Variants in TRIM22 observed in about 807,000 individuals in gnomAD.
TRIM22 encodes the protein E3 ubiquitin-protein ligase TRIM22.
A neutral mutation model predicts 53.6 loss-of-function variants in TRIM22; 45 were observed. The observed-to-expected ratio is 0.84, with a 90% CI of 0.66 to 1.08. The LOEUF (loss-of-function observed/expected upper bound fraction) is 1.08, where lower values mean the gene tolerates loss of function less well. TRIM22 is among the 50% of genes least tolerant of loss of function. The pLI is 0.00. For missense variants in TRIM22, 616 were observed against 590.9 expected (o/e 1.04, Z -0.44); for synonymous variants, 225 against 216.6 (o/e 1.04, Z -0.34).
chr11:5,705,784 T>C (rs1193539084), intron 4 of TRIM22, among the ~76,000 whole-genome samples: 1 of 152,210 alleles, frequency 6.6e-6, no homozygotes, highest in Non-Finnish European at 1.5e-5. Context: ...TAAGTGGATA[T>C]TGACACTATT....
At position 5,699,570 on chromosome 11, in the gene TRIM22, G is replaced by T. The variant is rs551598788; in HGVS notation, c.750+1025G>T. On this transcript the variant is annotated intron_variant, in intron 4 of 7. Coordinates refer to ENST00000379965, the MANE Select transcript of TRIM22 (RefSeq NM_006074.5). Reference sequence around the variant, plus strand: ...AAAAAAAAAAAAAAAAAAAAAAAAAGAGTGTTGTATGTTGTTTATGTATAA... The same window carrying T: ...AAAAAAAAAAAAAAAAAAAAAAAAATAGTGTTGTATGTTGTTTATGTATAA... Among the ~76,000 whole-genome samples, 71 of 106,846 alleles carry T rather than the reference G, an allele frequency of 6.6e-4. No individual in the cohort carries two copies. The East Asian group carries it at 0.025, about 38-fold the overall frequency. 70.1% of individuals were successfully genotyped at this position (106,846 alleles called of 152,430 possible).
chr11:5,695,714 G>A (rs1239421096), intron 1 of TRIM22, among the ~76,000 whole-genome samples: 1 of 152,100 alleles, frequency 6.6e-6, no homozygotes, highest in Non-Finnish European at 1.5e-5. Context: ...CAATTCAATA[G>A]CTTAAAAATA....
chr11:5,709,662 T>C lies in TRIM22; in HGVS notation c.*14T>C, dbSNP rs1255592020. 5.0e-6 allele frequency: 8 copies of C among 1,593,288 alleles called. No homozygotes were observed. The Admixed American group carries it at 6.7e-5, about 13-fold the overall frequency. The stretch of plus-strand genomic sequence containing the variant: ...CCGAGCTCCTGAGTGTTCTCATTCC[T>C]TTACCCACTTCTGCATAGTAGCCCT... On this transcript the variant is annotated 3_prime_UTR_variant, in exon 8 of 8. Coordinates refer to ENST00000379965, the MANE Select transcript of TRIM22 (RefSeq NM_006074.5).
chr11:5,699,665 A>G (rs1853335671), intron 4 of TRIM22, among the ~76,000 whole-genome samples: 1 of 151,112 alleles, frequency 6.6e-6, no homozygotes, highest in South Asian at 2.1e-4. Context: ...AAAAGCTTAT[A>G]AAAAGCAATA....
chr11:5,700,022 T>A (rs963621819), intron 4 of TRIM22, among the ~76,000 whole-genome samples: 6 of 152,104 alleles, frequency 3.9e-5, no homozygotes, highest in Non-Finnish European at 5.9e-5. Flanking sequence ...AGAAGAGTTT[T>A]TTTTTTAATG....
At chr11:5,691,727 G>A (rs11038733) in intron 1 of TRIM22, among the ~76,000 whole-genome samples, 1 of 152,194 alleles carries the variant, frequency 6.6e-6, no homozygotes, top group South Asian at 2.1e-4. Flanking sequence ...GCTAAGGCAA[G>A]GAGTTGGTAA....
chr11:5,699,888 G>A (rs1590315952), intron 4 of TRIM22, among the ~76,000 whole-genome samples: 1 of 151,294 alleles, frequency 6.6e-6, no homozygotes, highest in Non-Finnish European at 1.5e-5. Context: ...TTTACTTTTG[G>A]TGCTATTGTA....
intron 4 of TRIM22, among the ~76,000 whole-genome samples, chr11:5,702,123 G>C (rs904341545): frequency 1.4e-5 from 2 of 142,396 alleles, no homozygotes; most frequent in Non-Finnish European, 3.0e-5. Flanking sequence ...ATATATATTA[G>C]TTATATATTA....
chr11:5,696,098 TA>T, intron 1 of TRIM22, 68 bp from the exon 2 acceptor site: 2 of 753,872 alleles, frequency 2.7e-6, no homozygotes, highest in Non-Finnish European at 4.3e-6. Flanking sequence ...TGTCCTGTTC[TA>T]AATCTCTGTA....
At chr11:5,700,743 T>G (rs1853361939) in intron 4 of TRIM22, among the ~76,000 whole-genome samples, 1 of 151,922 alleles carries the variant, frequency 6.6e-6, no homozygotes, top group Non-Finnish European at 1.5e-5. Flanking sequence ...CAAGCGATTC[T>G]CCTGCCTCAG....
Position 5,697,307 on chromosome 11 carries a change from G to T in TRIM22, c.483G>T (p.Leu161=). 6.2e-7 allele frequency: 1 copy of T among 1,613,788 alleles called. No homozygotes were observed. The highest frequency in any genetic ancestry group is 8.5e-7 in the Non-Finnish European group (1 of 1,179,852). Residue 161 remains leucine, a synonymous_variant, in exon 3 of 8, where the codon CTG becomes CTT. Coordinates refer to ENST00000379965, the MANE Select transcript of TRIM22 (RefSeq NM_006074.5). ...AGGAGGATCAAGAGGCTGAGAAGCT[G>T]GAAGATGACATCAGACAAGAGAGAA... ...LIKEDQEAEK[L]EDDIRQERTA... is the part of the protein sequence containing the mutation.
Position 5,698,455 on chromosome 11 carries a change from A to G in TRIM22, c.660A>G (p.Thr220=), listed in dbSNP as rs1184139970. The change falls in exon 4 of 8, where the codon ACA becomes ACG. Residue 220 remains threonine (T), a synonymous_variant. Transcript: ENST00000379965. ...TGCTGGATAACCTGGCAGCAGCTACAGACCAGCTGGTCCAGCAGAGGCAGG... is the reference window on the plus strand; with the variant it reads ...TGCTGGATAACCTGGCAGCAGCTACGGACCAGCTGGTCCAGCAGAGGCAGG... ...VNVLDNLAAA[T]DQLVQQRQDA... 1 of 1,614,176 alleles carries G rather than the reference A, an allele frequency of 6.2e-7. No individual in the cohort carries two copies. Among genetic ancestry groups the G allele is most frequent in the Admixed American group, 1.7e-5 (1 of 60,034 alleles).
chr11:5,709,171 T>C lies in TRIM22; in HGVS notation c.1020T>C (p.Ser340=). The C allele has an allele frequency of 2.5e-6, 4 of 1,614,248 alleles. No homozygotes were observed. The highest frequency in any genetic ancestry group is 2.5e-6 in the Non-Finnish European group (3 of 1,180,042). The change falls in exon 8 of 8, where the codon TCT becomes TCC. Residue 340 remains serine (S), a synonymous_variant. Coordinates refer to ENST00000379965, the MANE Select transcript of TRIM22 (RefSeq NM_006074.5). The stretch of plus-strand genomic sequence containing the variant: ...AGAATTCAAATCCATGTGATTTTTC[T>C]GCTTTTGGTGTCTTCGGCTGCCAAT... ...TFKNSNPCDF[S]AFGVFGCQYF...
At chr11:5,695,566 G>GTTT (rs10664616) in intron 1 of TRIM22, among the ~76,000 whole-genome samples, 59,133 of 145,436 alleles carry the variant, frequency 0.41, 12,296 homozygotes, top group Non-Finnish European at 0.47. Flanking sequence ...TGGCATTAGG[G>GTTT]TTTTTTTTTT....
At position 5,689,857 on chromosome 11, in the gene TRIM22, A is replaced by T. The variant is rs1463922661; in HGVS notation, c.-109A>T. The T allele has an allele frequency of 6.6e-6, 1 of 151,756 alleles. No individual in the cohort carries two copies. Among genetic ancestry groups the T allele is most frequent in the Non-Finnish European group, 1.5e-5 (1 of 68,006 alleles). 9.4% of individuals were successfully genotyped at this position (151,756 alleles called of 1,614,324 possible). A position where few individuals can be genotyped will look rare whatever the true frequency, so the allele number is the denominator to read the frequency against. ...TTACACCGGCTCCTGCCCTGCCTTC[A>T]CTCTTCTCCCCTGATTCAAGACTCC... On this transcript the variant is annotated 5_prime_UTR_variant, in exon 1 of 8. Transcript: ENST00000379965.
intron 2 of TRIM22, chr11:5,696,899 G>A: frequency 1.9e-6 from 1 of 535,298 alleles, no homozygotes. Flanking sequence ...TGCTTTGTAA[G>A]ATAAGCTTTC....
intron 4 of TRIM22, among the ~76,000 whole-genome samples, chr11:5,703,473 C>T (rs1356937989): frequency 6.6e-6 from 1 of 151,504 alleles, no homozygotes; most frequent in Non-Finnish European, 1.5e-5. Flanking sequence ...GCAAGCTCTG[C>T]TTCCCGGGTT....
At chr11:5,700,534 G>A (rs1026451905) in intron 4 of TRIM22, among the ~76,000 whole-genome samples, 1 of 145,970 alleles carries the variant, frequency 6.9e-6, no homozygotes, top group Non-Finnish European at 1.5e-5. Context: ...TGACCTTAGG[G>A]GGAAAGTACT....
intron 5 of TRIM22, 128 bp downstream of exon 5, chr11:5,706,744 C>A: frequency 1.1e-6 from 1 of 950,962 alleles, no homozygotes; most frequent in Non-Finnish European, 1.5e-6. Flanking sequence ...TAAATTGTCC[C>A]AAATTGCTAG....
Sources: allele counts gnomAD v4.1 joint callset (sites outside exome capture counted in the v4.1 genomes callset), GRCh38; gene constraint gnomAD v4.1.1; transcripts MANE v1.5; gene names NCBI Gene and HGNC (gene_info 2026-07-23, HGNC 2026-07-21).